SPATA6L: variants seen among roughly 807,000 people sequenced by gnomAD.
SPATA6L encodes the protein spermatogenesis associated 6-like protein.
A neutral mutation model predicts 49.2 loss-of-function variants in SPATA6L; 68 were observed. The ratio of observed to expected loss-of-function variants is 1.38; its 90% CI spans 1.14 to 1.69. SPATA6L has a LOEUF of 1.69. Ranked by LOEUF, SPATA6L falls within the 40% of genes most tolerant of loss-of-function variation. The probability of loss-of-function intolerance (pLI) is 0.00; values close to 1 mark genes in which losing one functional copy is unlikely to be tolerated. For synonymous variants in SPATA6L, 198 were observed against 165.7 expected (o/e 1.19, Z -1.50); for missense variants, 668 against 464.3 (o/e 1.44, Z -4.03).
At chr9:4,605,138 T>A (rs952349936) in intron 10 of SPATA6L, among the ~76,000 whole-genome samples, 1 of 152,092 alleles carries the variant, frequency 6.6e-6, no homozygotes, top group Non-Finnish European at 1.5e-5. Context: ...CACTGTCTCA[T>A]CCTCAGGAAG....
chr9:4,661,167 C>G (rs1839623992), intron 2 of SPATA6L, among the ~76,000 whole-genome samples: 1 of 152,204 alleles, frequency 6.6e-6, no homozygotes, highest in Non-Finnish European at 1.5e-5. Context: ...ACATGCTCTA[C>G]TCTGTAGCCT....
At chr9:4,626,751 G>A (rs1830423792) in intron 5 of SPATA6L, 1 of 334,664 alleles carries the variant, frequency 3.0e-6, no homozygotes. Context: ...GAAAATGAAT[G>A]GCCAGACAGA....
At chr9:4,606,814 GAGA>G (rs1413549898) in intron 9 of SPATA6L, among the ~76,000 whole-genome samples, 3 of 148,612 alleles carry the variant, frequency 2.0e-5, no homozygotes, top group Admixed American at 6.8e-5. Context: ...GACGAGCTGA[GAGA>G]AGAAGGCTTC....
In SPATA6L at chr9:4,661,981, T is replaced by G; in HGVS notation, c.95A>C (p.Tyr32Ser). 6.2e-7 allele frequency: 1 copy of G among 1,614,074 alleles called. No individual in the cohort carries two copies. The highest frequency in any genetic ancestry group is 8.5e-7 in the Non-Finnish European group (1 of 1,179,978). Residue 32 changes from tyrosine (Y) to serine (S), a missense_variant, in exon 2 of 12, where the codon TAC becomes TCC. Transcript: ENST00000682582. ...PGKQDVYLGV[Y>S]LMNQYLETNS... ...GGTCTCCAGGTACTGATTCATGAGG[T>G]AGACCCCGAGGTACACATCTTGTTT... is the stretch of plus-strand genomic sequence containing the variant.
In SPATA6L at chr9:4,635,890, T is replaced by C. The variant is rs532226200; in HGVS notation, c.227-491A>G. 5.9e-5 allele frequency among the ~76,000 whole-genome samples: 9 copies of C among 152,310 alleles called. No individual in the cohort carries two copies. The South Asian group carries it at 1.9e-3, about 32-fold the overall frequency. On this transcript the variant is annotated intron_variant, in intron 3 of 11. Transcript: ENST00000682582. ...CAACCCCGAGGACATTTTGGACATT[T>C]GTGGAAATATTTCAGGGGCAGTAGC...
intron 1 of SPATA6L, chr9:4,663,329 A>C: frequency 6.7e-7 from 1 of 1,501,884 alleles, no homozygotes; most frequent in Non-Finnish European, 9.1e-7. Flanking sequence ...GTCAACCTAA[A>C]CCAGCAGCCA....
intron 9 of SPATA6L, among the ~76,000 whole-genome samples, chr9:4,606,694 A>G (rs1412766439): frequency 7.6e-4 from 101 of 132,884 alleles, no homozygotes; most frequent in Middle Eastern, 7.3e-3. Context: ...AAGATGGGGA[A>G]AAAACAGAAC....
intron 13 of SPATA6L, among the ~76,000 whole-genome samples, chr9:4,590,272 T>C (rs1821822341): frequency 6.6e-6 from 1 of 152,014 alleles, no homozygotes; most frequent in Non-Finnish European, 1.5e-5. Flanking sequence ...TGTACCTAAG[T>C]GTATAAAGTT....
chr9:4,622,611 C>T (rs980862973), intron 6 of SPATA6L, 101 bp from the exon 7 acceptor site: 15 of 794,840 alleles, frequency 1.9e-5, no homozygotes, highest in East Asian at 2.6e-5. Flanking sequence ...ACTGATTACA[C>T]GGGTTGGAAA....
intron 7 of SPATA6L, 37 bp from the exon 8 acceptor site, chr9:4,618,935 T>C (rs759709596): frequency 4.4e-6 from 7 of 1,599,964 alleles, no homozygotes; most frequent in Non-Finnish European, 8.6e-7. Context: ...AATGACTCAT[T>C]ATTACCATTT....
chr9:4,594,191 G>A (rs117620438), downstream of SPATA6L, among the ~76,000 whole-genome samples: 1,057 of 152,194 alleles, frequency 6.9e-3, 6 homozygotes, highest in East Asian at 0.022. Flanking sequence ...CTCTTTCCCA[G>A]ATTGGGAATT....
intron 1 of SPATA6L, among the ~76,000 whole-genome samples, chr9:4,665,674 C>T (rs943718162): frequency 3.9e-5 from 6 of 152,212 alleles, no homozygotes; most frequent in African/African-American, 1.4e-4. Context: ...CATGGAGTCA[C>T]TCTGCCACAG....
chr9:4,622,395 G>C lies in SPATA6L; in HGVS notation c.772+13C>G. Reference sequence around the variant, plus strand: ...ATAGGGAAATGTACAGGAGTAACAAGAAACTCGAGTACCTCTTCTCGTTGG... The same window carrying C: ...ATAGGGAAATGTACAGGAGTAACAACAAACTCGAGTACCTCTTCTCGTTGG... On this transcript the variant is annotated intron_variant, in intron 7 of 11. Coordinates refer to ENST00000682582, the MANE Select transcript of SPATA6L (RefSeq NM_001353486.2). 1.9e-6 allele frequency: 3 copies of C among 1,559,066 alleles called. No homozygotes were observed. Among genetic ancestry groups the C allele is most frequent in the Non-Finnish European group, 2.7e-6 (3 of 1,130,498 alleles).
rs1043787948 is a variant in SPATA6L at position 4,604,283 on chromosome 9, A to G, written c.1090-14T>C. 15 of 1,542,494 alleles carry G rather than the reference A, an allele frequency of 9.7e-6. No individual in the cohort carries two copies. The highest frequency in any genetic ancestry group is 1.3e-5 in the Non-Finnish European group (15 of 1,116,946). ...GGTAGAATCTTCCTACAATAAAAAC[A>G]AATCCAGCAATTATGTTACCCATAA... On this transcript the variant is annotated splice_polypyrimidine_tract_variant and intron_variant, in intron 10 of 11. Coordinates refer to ENST00000682582, the MANE Select transcript of SPATA6L (RefSeq NM_001353486.2).
downstream of SPATA6L, among the ~76,000 whole-genome samples, chr9:4,593,991 T>C (rs1822069890): frequency 6.6e-6 from 1 of 152,194 alleles, no homozygotes; most frequent in Non-Finnish European, 1.5e-5. Context: ...CTACCATCTC[T>C]ATGCAGATGA....
At chr9:4,592,991 CTAAA>C (rs1822006810) in intron 13 of SPATA6L, among the ~76,000 whole-genome samples, 1 of 152,136 alleles carries the variant, frequency 6.6e-6, no homozygotes, top group Non-Finnish European at 1.5e-5. Context: ...TGAGATTGTA[CTAAA>C]TATTTTACAT....
chr9:4,595,614 T>C (rs1822197750), downstream of SPATA6L, among the ~76,000 whole-genome samples: 2 of 152,196 alleles, frequency 1.3e-5, no homozygotes, highest in African/African-American at 4.8e-5. Context: ...TCTCCCCAGT[T>C]GCCTCACTCT....
At chr9:4,653,669 T>G (rs932044887) in intron 3 of SPATA6L, among the ~76,000 whole-genome samples, 1 of 152,156 alleles carries the variant, frequency 6.6e-6, no homozygotes, top group Non-Finnish European at 1.5e-5. Flanking sequence ...GCGGCTCATG[T>G]CTGTAACCCC....
At chr9:4,648,762 G>A (rs1836093149) in intron 3 of SPATA6L, among the ~76,000 whole-genome samples, 1 of 150,722 alleles carries the variant, frequency 6.6e-6, no homozygotes, top group African/African-American at 2.4e-5. Context: ...GTGAGATTTT[G>A]GTGCACCCAT....
Sources: allele counts gnomAD v4.1 joint callset (sites outside exome capture counted in the v4.1 genomes callset), GRCh38; gene constraint gnomAD v4.1.1; transcripts MANE v1.5; gene names NCBI Gene and HGNC (gene_info 2026-07-23, HGNC 2026-07-21).